Variants in SLC16A10 observed in about 807,000 individuals in gnomAD.
SLC16A10 encodes the protein solute carrier family 16 member 10.
SLC16A10 carries 27 observed loss-of-function variants against 40.0 expected under a neutral mutation model. That is an observed-to-expected ratio of 0.67 (90% confidence interval 0.50 to 0.93). SLC16A10 has a LOEUF of 0.93. SLC16A10 is among the 40% of genes least tolerant of loss of function. The probability of loss-of-function intolerance (pLI) is 0.00; values close to 1 mark genes in which losing one functional copy is unlikely to be tolerated. For synonymous variants in SLC16A10, 213 were observed against 249.8 expected, an observed-to-expected ratio of 0.85 and a Z score of 1.39; for missense variants, 529 against 658.2, an observed-to-expected ratio of 0.80 and a Z score of 2.15.
At chr6:111,185,903 GTT>G (rs66493230) in intron 3 of SLC16A10, among the ~76,000 whole-genome samples, 7 of 144,536 alleles carry the variant, frequency 4.8e-5, no homozygotes, top group African/African-American at 5.0e-5. Flanking sequence ...TCACCAGTGG[GTT>G]TTTTTTTTTT....
intron 3 of SLC16A10, among the ~76,000 whole-genome samples, chr6:111,196,585 G>A (rs1264539961): frequency 6.6e-6 from 1 of 152,150 alleles, no homozygotes; most frequent in Non-Finnish European, 1.5e-5. Context: ...AAGGTGGGAG[G>A]ATTGCTTGTG....
chr6:111,188,026 C>A (rs1016099430), intron 3 of SLC16A10, among the ~76,000 whole-genome samples: 1 of 152,146 alleles, frequency 6.6e-6, no homozygotes, highest in Admixed American at 6.5e-5. Flanking sequence ...AAGGTTCTGA[C>A]AGAAGCAAAG....
chr6:111,168,661 T>G (rs1410823298), intron 1 of SLC16A10, among the ~76,000 whole-genome samples: 1 of 152,238 alleles, frequency 6.6e-6, no homozygotes, highest in Non-Finnish European at 1.5e-5. Context: ...AATTTATTCT[T>G]GAATTTGATC....
At chr6:111,206,407 A>G (rs982270162) in intron 3 of SLC16A10, among the ~76,000 whole-genome samples, 185 bp from the exon 4 acceptor site, 1 of 152,132 alleles carries the variant, frequency 6.6e-6, no homozygotes, top group Non-Finnish European at 1.5e-5. Context: ...GAAAACTAAA[A>G]CATGTTAATT....
rs568257580 is a variant in SLC16A10, at chr6:111,157,170, C to T, written c.344-15525C>T. ...CTGACCTCAGGTGATCCACCTGCCTCGGCCTCCCAAAGTGCTGAGATTACA... is the reference window on the plus strand; with the variant it reads ...CTGACCTCAGGTGATCCACCTGCCTTGGCCTCCCAAAGTGCTGAGATTACA... On this transcript the variant is annotated intron_variant, in intron 1 of 5. Transcript: ENST00000368851. Among the ~76,000 whole-genome samples the T allele has an allele frequency of 2.1e-3, 315 of 152,246 alleles. 1 individual carries two copies. The highest frequency in any genetic ancestry group is 7.4e-3 in the African/African-American group (309 of 41,528).
chr6:111,140,370 G>A (rs995441762), intron 1 of SLC16A10, among the ~76,000 whole-genome samples: 1 of 152,104 alleles, frequency 6.6e-6, no homozygotes. Context: ...GACTGAGCTG[G>A]GAGGATGGCT....
chr6:111,092,996 G>A (rs1200868017), intron 1 of SLC16A10, among the ~76,000 whole-genome samples: 1 of 150,004 alleles, frequency 6.7e-6, no homozygotes, highest in Non-Finnish European at 1.5e-5. Flanking sequence ...AGCCAAGATG[G>A]CGCCACTGTA....
intron 3 of SLC16A10, among the ~76,000 whole-genome samples, chr6:111,186,427 T>A (rs1462269769): frequency 6.6e-6 from 1 of 152,244 alleles, no homozygotes; most frequent in Admixed American, 6.5e-5. Context: ...ATAAATTGTT[T>A]TGATATGGGA....
At chr6:111,105,657 A>G (rs931753027) in intron 1 of SLC16A10, among the ~76,000 whole-genome samples, 1 of 152,136 alleles carries the variant, frequency 6.6e-6, no homozygotes, top group African/African-American at 2.4e-5. Context: ...GACTCAAGAG[A>G]GTGTCAAAGT....
At chr6:111,109,659 C>T (rs1006314560) in intron 1 of SLC16A10, among the ~76,000 whole-genome samples, 10 of 151,922 alleles carry the variant, frequency 6.6e-5, no homozygotes, top group African/African-American at 2.4e-4. Flanking sequence ...TGTATATTGC[C>T]CAGGCTGGTC....
chr6:111,137,406 TG>T (rs1221791614), intron 1 of SLC16A10, among the ~76,000 whole-genome samples: 1 of 152,234 alleles, frequency 6.6e-6, no homozygotes, highest in Non-Finnish European at 1.5e-5. Flanking sequence ...TCAGAGCCTG[TG>T]AAGTGTGCCA....
chr6:111,203,758 A>AATAAAATAG (rs1773212117), intron 3 of SLC16A10, among the ~76,000 whole-genome samples: 5 of 151,958 alleles, frequency 3.3e-5, no homozygotes, highest in African/African-American at 1.2e-4. Context: ...AAATAAAATA[A>AATAAAATAG]TGCCCCTTCT....
chr6:111,116,535 G>A (rs1344827950), intron 1 of SLC16A10, among the ~76,000 whole-genome samples: 2 of 152,040 alleles, frequency 1.3e-5, no homozygotes, highest in Non-Finnish European at 2.9e-5. Context: ...GTAAAAATTT[G>A]AAGTCAACTT....
chr6:111,165,576 G>A (rs1772457336), intron 1 of SLC16A10, among the ~76,000 whole-genome samples: 2 of 152,148 alleles, frequency 1.3e-5, no homozygotes, highest in African/African-American at 4.8e-5. Flanking sequence ...GCCTCACCAA[G>A]TGGCCAATAT....
At position 111,176,217 on chromosome 6, in the gene SLC16A10, G is replaced by A. The variant is rs148082674; in HGVS notation, c.489-995G>A. Among the ~76,000 whole-genome samples the A allele has an allele frequency of 2.8e-4, 42 of 152,244 alleles. No homozygotes were observed. In the East Asian group the frequency reaches 4.3e-3, roughly 15 times the overall value. On this transcript the variant is annotated intron_variant, in intron 2 of 5. Transcript: ENST00000368851. ...ATCTCAGAGAGAGGATTGCCAACAT[G>A]CCTTAATTTTATCAGATTCTAGAGT...
At chr6:111,131,257 T>C (rs917371256) in intron 1 of SLC16A10, among the ~76,000 whole-genome samples, 12 of 152,194 alleles carry the variant, frequency 7.9e-5, no homozygotes, top group Admixed American at 5.2e-4. Flanking sequence ...CCGCTCCCAA[T>C]CGGGCTAGGG....
chr6:111,168,406 A>G (rs1366131055), intron 1 of SLC16A10, among the ~76,000 whole-genome samples: 1 of 152,258 alleles, frequency 6.6e-6, no homozygotes, highest in Non-Finnish European at 1.5e-5. Context: ...GATTAAATGA[A>G]ATAGTCTTCT....
chr6:111,133,604 T>C (rs910559856), intron 1 of SLC16A10, among the ~76,000 whole-genome samples: 1 of 152,196 alleles, frequency 6.6e-6, no homozygotes, highest in Non-Finnish European at 1.5e-5. Context: ...TGGAGTGAAG[T>C]GCCATATGTA....
chr6:111,199,962 T>C (rs1773142929), intron 3 of SLC16A10, among the ~76,000 whole-genome samples: 1 of 152,226 alleles, frequency 6.6e-6, no homozygotes, highest in Non-Finnish European at 1.5e-5. Flanking sequence ...TTGGTAGCTA[T>C]GAAATAATCT....
Sources: allele counts gnomAD v4.1 joint callset (sites outside exome capture counted in the v4.1 genomes callset), GRCh38; gene constraint gnomAD v4.1.1; transcripts MANE v1.5; gene names NCBI Gene and HGNC (gene_info 2026-07-23, HGNC 2026-07-21).